PIWIL1: variants seen among roughly 807,000 people sequenced by gnomAD.
PIWIL1 encodes the protein piwi like RNA-mediated gene silencing 1.
Under a neutral mutation model 114.4 loss-of-function variants are expected in PIWIL1, and 73 were observed. The ratio of observed to expected loss-of-function variants is 0.64; its 90% CI spans 0.53 to 0.78. The LOEUF (loss-of-function observed/expected upper bound fraction) is 0.78, where lower values mean the gene tolerates loss of function less well. Among genes scored for constraint, PIWIL1 ranks in the 30% least tolerant of loss-of-function variants. The pLI, the probability that PIWIL1 is intolerant of heterozygous loss-of-function variation, is 0.00. For synonymous variants in PIWIL1, 375 were observed against 369.0 expected (o/e 1.02, Z -0.19); for missense variants, 723 against 1,063.1 (o/e 0.68, Z 4.45).
chr12:130,404,390 T>A, the PIWIL1 span, among the ~76,000 whole-genome samples: 3 of 152,150 alleles, frequency 2.0e-5, no homozygotes, highest in Admixed American at 2.0e-4. Context: ...CTCCACCTCC[T>A]GGGTTCAAGT....
chr12:130,343,172 C>G, intron 3 of PIWIL1, 71 bp downstream of exon 3: 2 of 1,046,070 alleles, frequency 1.9e-6, no homozygotes, highest in Non-Finnish European at 2.8e-6. Flanking sequence ...TGAATTAAAA[C>G]TTGGTACAAA....
At chr12:130,353,428 GT>G (rs912117449) in intron 9 of PIWIL1, among the ~76,000 whole-genome samples, 68 of 144,884 alleles carry the variant, frequency 4.7e-4, no homozygotes, top group South Asian at 8.8e-4. Flanking sequence ...AGGTGTGTGG[GT>G]TTTTTTTTTT....
chr12:130,422,482 C>A, the PIWIL1 span: 1 of 1,612,974 alleles, frequency 6.2e-7, no homozygotes, highest in Non-Finnish European at 8.5e-7. This position sits in a 1 kb window ranked among gnomAD's most constrained non-coding sequence, Gnocchi z 5.2. Flanking sequence ...GGGCCGGGAC[C>A]TCTGAGGACC....
intron 1 of PIWIL1, among the ~76,000 whole-genome samples, chr12:130,339,886 G>C (rs1318478956): frequency 6.6e-6 from 1 of 152,180 alleles, no homozygotes; most frequent in African/African-American, 2.4e-5. Context: ...GAGAACTGAC[G>C]TGCTGCTTTA....
At chr12:130,401,601 C>A in the PIWIL1 span, among the ~76,000 whole-genome samples, 1 of 151,828 alleles carries the variant, frequency 6.6e-6, no homozygotes, top group Non-Finnish European at 1.5e-5. Flanking sequence ...CCTGGGCCTT[C>A]TCTCACCGGC....
intron 14 of PIWIL1, among the ~76,000 whole-genome samples, chr12:130,357,892 C>T (rs567260417): frequency 3.3e-5 from 5 of 152,270 alleles, no homozygotes; most frequent in South Asian, 2.1e-4. Context: ...CACACGTAGA[C>T]GTATGATTGC....
At chr12:130,385,031 TTC>T in the PIWIL1 span, among the ~76,000 whole-genome samples, 1 of 152,188 alleles carries the variant, frequency 6.6e-6, no homozygotes, top group African/African-American at 2.4e-5. Context: ...GCTGTGCATT[TTC>T]TCTCCCTCTT....
intron 19 of PIWIL1, 42 bp downstream of exon 19, chr12:130,367,300 T>C: frequency 3.2e-6 from 5 of 1,579,084 alleles, no homozygotes; most frequent in Non-Finnish European, 3.5e-6. Context: ...TTCTCCTTGG[T>C]GGTGGTTTCT....
chr12:130,345,654 C>G, intron 3 of PIWIL1, 99 bp from the exon 4 acceptor site: 3 of 1,274,312 alleles, frequency 2.4e-6, no homozygotes, highest in Non-Finnish European at 3.4e-6. Context: ...TTCTACACCT[C>G]AGTATCCTTT....
At chr12:130,342,957 A>T in intron 2 of PIWIL1, 33 bp from the exon 3 acceptor site, 1 of 1,543,802 alleles carries the variant, frequency 6.5e-7, no homozygotes, top group Non-Finnish European at 9.0e-7. Context: ...CCGCTTGACG[A>T]AAAGAATGTT....
chr12:130,408,152 G>A, the PIWIL1 span, among the ~76,000 whole-genome samples: 1 of 152,194 alleles, frequency 6.6e-6, no homozygotes, highest in Non-Finnish European at 1.5e-5. Context: ...GACGGCTTTG[G>A]CCAGCACGGG....
chr12:130,419,955 A>G, the PIWIL1 span: 2 of 152,220 alleles, frequency 1.3e-5, no homozygotes, highest in African/African-American at 4.8e-5. The surrounding 1 kb of genome is among the most constrained non-coding windows in gnomAD (Gnocchi z 4.3). Context: ...ATTAAAATTT[A>G]TATTATTTTT....
Position 130,371,258 on chromosome 12 carries a change from G to A in PIWIL1, c.2404G>A (p.Gly802Ser), listed in dbSNP as rs377093609. The A allele has an allele frequency of 1.2e-5, 20 of 1,614,016 alleles. No homozygotes were observed. Among genetic ancestry groups the A allele is most frequent in the East Asian group, 8.9e-5 (4 of 44,886 alleles). ...THYNVIYDNS[G>S]LKPDHIQRLT... is the part of the protein sequence containing the mutation. Reference sequence around the variant, plus strand: ...TTACAATGTCATCTATGACAACAGCGGCCTGAAGCCAGACCACATACAGCG... The same window carrying A: ...TTACAATGTCATCTATGACAACAGCAGCCTGAAGCCAGACCACATACAGCG... The change falls in exon 20 of 21, where the codon GGC becomes AGC. Residue 802 changes from glycine to serine, a missense_variant. Physicochemically the swap from Gly to Ser is moderately conservative, Grantham distance 56 (BLOSUM62 0). This residue lies in a region of PIWIL1 where 106 missense variants were observed against 182.8 expected (regional missense o/e 0.58). Coordinates refer to ENST00000245255, the MANE Select transcript of PIWIL1 (RefSeq NM_004764.5).
intron 1 of PIWIL1, among the ~76,000 whole-genome samples, chr12:130,341,237 C>T (rs2072911603): frequency 6.6e-6 from 1 of 152,210 alleles, no homozygotes; most frequent in East Asian, 1.9e-4. Flanking sequence ...CCTTCTCTTT[C>T]CAGTCCCACT....
chr12:130,394,269 C>T, the PIWIL1 span, among the ~76,000 whole-genome samples: 3 of 152,178 alleles, frequency 2.0e-5, no homozygotes, highest in Non-Finnish European at 4.4e-5. Context: ...CATCAGTTCT[C>T]TGTGATGAGA....
chr12:130,401,305 A>G, the PIWIL1 span, among the ~76,000 whole-genome samples: 2 of 151,966 alleles, frequency 1.3e-5, no homozygotes, highest in East Asian at 1.9e-4. Flanking sequence ...TAGTAGAGAC[A>G]GGGTTTCGCC....
chr12:130,393,208 C>T, the PIWIL1 span, among the ~76,000 whole-genome samples: 11 of 141,752 alleles, frequency 7.8e-5, 1 homozygote, highest in Admixed American at 2.7e-4. Flanking sequence ...ATGACCCGGT[C>T]ACCGTCATCA....
At chr12:130,342,368 T>C (rs2072945061) in intron 1 of PIWIL1, 1 of 558,058 alleles carries the variant, frequency 1.8e-6, no homozygotes, top group Non-Finnish European at 3.2e-6. Flanking sequence ...CCTTTGGCCC[T>C]ACTGCAGTGC....
At chr12:130,382,298 G>A in the PIWIL1 span, among the ~76,000 whole-genome samples, 2 of 152,198 alleles carry the variant, frequency 1.3e-5, no homozygotes, top group East Asian at 3.9e-4. Context: ...TCCACTTGCA[G>A]CTCCTAAAGT....
Sources: allele counts gnomAD v4.1 joint callset (sites outside exome capture counted in the v4.1 genomes callset), GRCh38; gene constraint gnomAD v4.1.1; regional missense constraint gnomAD v4.1.1; non-coding constraint Gnocchi (gnomAD v3.1); transcripts MANE v1.5; gene names NCBI Gene and HGNC (gene_info 2026-07-23, HGNC 2026-07-21).